STK39: variants seen among roughly 807,000 people sequenced by gnomAD.
STK39 encodes serine/threonine kinase 39.
STK39 carries 20 observed loss-of-function variants against 77.8 expected under a neutral mutation model. The ratio of observed to expected loss-of-function variants is 0.26; its 90% CI spans 0.18 to 0.37. The LOEUF is 0.37. Among genes scored for constraint, STK39 ranks in the 10% least tolerant of loss-of-function variants. The pLI is 1.00. For synonymous variants in STK39, 246 were observed against 234.1 expected (o/e 1.05, Z -0.47); for missense variants, 479 against 656.5 (o/e 0.73, Z 2.95).
At chr2:168,115,919 G>A (rs980278842) in intron 10 of STK39, among the ~76,000 whole-genome samples, 5 of 152,120 alleles carry the variant, frequency 3.3e-5, no homozygotes, top group African/African-American at 4.8e-5. Context: ...CTGGAACCCC[G>A]GTTAAAGATT....
intron 1 of STK39, among the ~76,000 whole-genome samples, chr2:168,246,693 G>A (rs899984748): frequency 1.1e-4 from 17 of 152,162 alleles, no homozygotes; most frequent in South Asian, 4.1e-4. Flanking sequence ...GAAAAGCACT[G>A]GGGCCTCCGC....
At chr2:168,090,209 C>T (rs1373907285) in intron 10 of STK39, among the ~76,000 whole-genome samples, 3 of 152,062 alleles carry the variant, frequency 2.0e-5, no homozygotes, top group Non-Finnish European at 4.4e-5. Flanking sequence ...GCATGTATCC[C>T]GAAAGTAAGA....
chr2:168,044,149 A>G (rs1278755309), intron 14 of STK39, among the ~76,000 whole-genome samples: 1 of 152,170 alleles, frequency 6.6e-6, no homozygotes, highest in Non-Finnish European at 1.5e-5. Context: ...CAAGTAAATA[A>G]CAATAGCTGA....
intron 10 of STK39, among the ~76,000 whole-genome samples, chr2:168,095,734 A>C (rs566079303): frequency 6.8e-5 from 10 of 146,426 alleles, no homozygotes; most frequent in Admixed American, 3.6e-4. Flanking sequence ...TCACGCCATT[A>C]TCCTGCTTCA....
intron 1 of STK39, among the ~76,000 whole-genome samples, chr2:168,226,024 T>C (rs1359723355): frequency 3.9e-5 from 6 of 152,180 alleles, no homozygotes; most frequent in Non-Finnish European, 7.3e-5. Context: ...AGAAGCTGGA[T>C]GGGCCATAAG....
At chr2:168,119,361 G>A (rs192223101) in intron 10 of STK39, among the ~76,000 whole-genome samples, 1 of 152,290 alleles carries the variant, frequency 6.6e-6, no homozygotes, top group African/African-American at 2.4e-5. Context: ...TCTAAAAATA[G>A]CTTGAGACCA....
chr2:168,239,889 T>C (rs1344242310), intron 1 of STK39, among the ~76,000 whole-genome samples: 5 of 152,122 alleles, frequency 3.3e-5, no homozygotes, highest in Non-Finnish European at 5.9e-5. Flanking sequence ...AGGCAGAGAT[T>C]GTTTGTGTGA....
intron 16 of STK39, among the ~76,000 whole-genome samples, chr2:167,988,299 C>A (rs75071393): frequency 6.6e-6 from 1 of 152,014 alleles, no homozygotes; most frequent in Non-Finnish European, 1.5e-5. Context: ...TTTTTTCCTG[C>A]AAAGAAGTCG....
intron 10 of STK39, among the ~76,000 whole-genome samples, chr2:168,080,784 C>G (rs748919270): frequency 6.6e-6 from 1 of 152,132 alleles, no homozygotes; most frequent in East Asian, 1.9e-4. Context: ...CTGTTGTGTG[C>G]AGTTTAGGGA....
chr2:167,981,791 T>C (rs1211118930), intron 16 of STK39, among the ~76,000 whole-genome samples: 2 of 152,176 alleles, frequency 1.3e-5, no homozygotes, highest in Non-Finnish European at 2.9e-5. Context: ...TGAAAGATCA[T>C]CCCAATAACC....
In STK39 at chr2:168,076,770, C is replaced by A. The variant is rs146323717; in HGVS notation, c.1090-1539G>T. Among the ~76,000 whole-genome samples the A allele has an allele frequency of 9.1e-3, 1,377 of 152,082 alleles. 56 individuals are homozygous for A. Among genetic ancestry groups the A allele is most frequent in the Admixed American group, 0.073 (1,118 of 15,278 alleles). Reference sequence around the variant, plus strand: ...ATCTTTGAAATAGTACTTAGTAAAACCTCTTTTGGGCTTGGCATCAGATAT... The same window carrying A: ...ATCTTTGAAATAGTACTTAGTAAAAACTCTTTTGGGCTTGGCATCAGATAT... On this transcript the variant is annotated intron_variant, in intron 10 of 17. Transcript: ENST00000355999.
chr2:168,242,441 C>T (rs143868777), intron 1 of STK39, among the ~76,000 whole-genome samples: 27,287 of 149,096 alleles, frequency 0.18, 3,212 homozygotes, highest in Non-Finnish European at 0.26. Flanking sequence ...ACTAGCTACT[C>T]GGGAGGCTGA....
At position 168,126,081 on chromosome 2, in the gene STK39, C is replaced by G. The variant is rs546659138; in HGVS notation, c.1089+3460G>C. Among the ~76,000 whole-genome samples the G allele has an allele frequency of 7.4e-4, 113 of 152,272 alleles. 2 individuals are homozygous for G. Among genetic ancestry groups the G allele is most frequent in the Non-Finnish European group, 2.8e-4 (19 of 68,034 alleles). On this transcript the variant is annotated intron_variant, in intron 10 of 17. Transcript: ENST00000355999. ...GAGGAGAAGAGAATGCTGTTTATGA[C>G]AGCAAATTTCTAATCAACATGGTTG... is the stretch of plus-strand genomic sequence containing the variant.
intron 16 of STK39, among the ~76,000 whole-genome samples, chr2:168,005,192 G>A (rs551988811): frequency 6.6e-6 from 1 of 151,922 alleles, no homozygotes; most frequent in Non-Finnish European, 1.5e-5. Context: ...TTTCAGTAGA[G>A]ACAAAGTTTC....
chr2:168,240,766 A>T (rs1558892678), intron 1 of STK39, among the ~76,000 whole-genome samples: 1 of 152,260 alleles, frequency 6.6e-6, no homozygotes, highest in Non-Finnish European at 1.5e-5. Flanking sequence ...GAAGACCCTC[A>T]GCATTTGATG....
intron 10 of STK39, among the ~76,000 whole-genome samples, chr2:168,124,934 G>T (rs893160886): frequency 1.3e-5 from 2 of 151,990 alleles, no homozygotes; most frequent in African/African-American, 4.8e-5. Context: ...GAGAACACAT[G>T]GAGACAGGGA....
At chr2:167,987,947 C>G (rs1301045209) in intron 16 of STK39, among the ~76,000 whole-genome samples, 1 of 152,134 alleles carries the variant, frequency 6.6e-6, no homozygotes, top group East Asian at 1.9e-4. Context: ...ATCCTTACAG[C>G]TATTCTATGA....
chr2:168,199,363 G>A (rs1313963514), intron 1 of STK39, among the ~76,000 whole-genome samples: 3 of 152,172 alleles, frequency 2.0e-5, no homozygotes, highest in Non-Finnish European at 4.4e-5. Flanking sequence ...GCTATCTACA[G>A]ATCAGACACC....
intron 10 of STK39, among the ~76,000 whole-genome samples, chr2:168,129,127 T>G (rs1169968731): frequency 6.6e-6 from 1 of 152,242 alleles, no homozygotes; most frequent in African/African-American, 2.4e-5. Flanking sequence ...GAAAGAATGC[T>G]ATCTCACAGC....
Sources: gnomAD v4.1 joint callset for allele counts (sites outside exome capture counted in the v4.1 genomes callset) on GRCh38, gnomAD v4.1.1 for gene constraint, MANE v1.5 for transcripts, NCBI Gene and HGNC (gene_info 2026-07-23, HGNC 2026-07-21) for gene names.